OSBPL5: variants seen among roughly 807,000 people sequenced by gnomAD.
OSBPL5 encodes oxysterol binding protein like 5, also known as oxysterol-binding protein-related protein 5.
A neutral mutation model predicts 111.2 loss-of-function variants in OSBPL5; 71 were observed. That is an observed-to-expected ratio of 0.64 (90% CI 0.53 to 0.78). The LOEUF (loss-of-function observed/expected upper bound fraction) is 0.78. OSBPL5 is among the 30% of genes least tolerant of loss of function. The probability of loss-of-function intolerance (pLI) is 0.00; values close to 1 mark genes in which losing one functional copy is unlikely to be tolerated. For missense variants in OSBPL5, 1,210 were observed against 1,189.3 expected (o/e 1.02, Z -0.26); for synonymous variants, 549 against 513.9 (o/e 1.07, Z -0.93).
chr11:3,137,528 G>C (rs1845982843), intron 1 of OSBPL5, among the ~76,000 whole-genome samples: 1 of 152,220 alleles, frequency 6.6e-6, no homozygotes, highest in Admixed American at 6.5e-5. Context: ...AGTGGGCCGG[G>C]TGTACTGCAC....
At chr11:3,120,047 G>A (rs1858347991) in intron 6 of OSBPL5, 2 of 424,660 alleles carry the variant, frequency 4.7e-6, no homozygotes, top group Non-Finnish European at 8.6e-6. Flanking sequence ...ATGTAACCAG[G>A]TGTTCAGGGT....
chr11:3,124,023 C>T lies in OSBPL5; in HGVS notation c.220-1595G>A, dbSNP rs1225816368. ...GGGAGAGGCAGACCAGCCACCAGCA[C>T]GCAGAGGCGGGAGGAGCCAGGGGTC... On this transcript the variant is annotated intron_variant, in intron 3 of 21. Transcript: ENST00000263650. Among the ~76,000 whole-genome samples the T allele has an allele frequency of 3.3e-5, 5 of 152,164 alleles. No individual in the cohort carries two copies. In the East Asian group the frequency reaches 5.8e-4, roughly 18 times the overall value.
Position 3,103,133 on chromosome 11 carries a change from T to C in OSBPL5, c.1326+106A>G, listed in dbSNP as rs913904295. 3.1e-6 allele frequency: 3 copies of C among 960,074 alleles called. No homozygotes were observed. The African/African-American group carries it at 5.0e-5, about 16-fold the overall frequency. 59.5% of individuals were successfully genotyped at this position (960,074 alleles called of 1,614,324 possible). A position where few individuals can be genotyped will look rare whatever the true frequency, so the allele number is the denominator to read the frequency against. On this transcript the variant is annotated intron_variant, in intron 11 of 21. Coordinates refer to ENST00000263650, the MANE Select transcript of OSBPL5 (RefSeq NM_020896.4). ...GTGACCAGGATCCTTCTAAGCCATG[T>C]GGGGTAGGGGGTGGCCCGGGGACTC...
chr11:3,117,460 T>C (rs1052943861), intron 7 of OSBPL5, among the ~76,000 whole-genome samples: 1 of 152,244 alleles, frequency 6.6e-6, no homozygotes, highest in Non-Finnish European at 1.5e-5. Flanking sequence ...CAAAGTTCCA[T>C]CAAAGACAAT....
In OSBPL5 at chr11:3,130,899, G is replaced by T. The variant is rs560031870; in HGVS notation, c.-21-1730C>A. On this transcript the variant is annotated intron_variant, in intron 1 of 21. Coordinates refer to ENST00000263650, the MANE Select transcript of OSBPL5 (RefSeq NM_020896.4). This position sits in a 1 kb window ranked among gnomAD's most constrained non-coding sequence, Gnocchi z 4.5. ...GGGAACCAGCAGCTGAGCGGAGGCC[G>T]GGCTTACTCAGACAGCTGAGATTTT... 1.2e-4 allele frequency among the ~76,000 whole-genome samples: 19 copies of T among 152,246 alleles called. No individual in the cohort carries two copies. Among genetic ancestry groups the T allele is most frequent in the Non-Finnish European group, 5.9e-5 (4 of 68,008 alleles).
chr11:3,092,798 G>T lies in OSBPL5; in HGVS notation c.2132+69C>A. 1 of 1,462,192 alleles carries T rather than the reference G, an allele frequency of 6.8e-7. No individual in the cohort carries two copies. The highest frequency in any genetic ancestry group is 2.4e-5 in the Admixed American group (1 of 40,952). 90.6% of individuals were successfully genotyped at this position (1,462,192 alleles called of 1,614,324 possible). ...GGTGAGAGGGAAGCCAGGAGCCCCT[G>T]GGCCCTTCTCAGCCCGTCTGCTAGG... On this transcript the variant is annotated intron_variant, in intron 18 of 21. Coordinates refer to ENST00000263650, the MANE Select transcript of OSBPL5 (RefSeq NM_020896.4). The surrounding 1 kb of genome is among the most constrained non-coding windows in gnomAD (Gnocchi z 5.4).
chr11:3,098,423 A>G (rs1432089338), intron 14 of OSBPL5, among the ~76,000 whole-genome samples: 1 of 151,854 alleles, frequency 6.6e-6, no homozygotes, highest in Admixed American at 6.6e-5. Context: ...TAATTCAAAC[A>G]AACAAAAACC....
intron 1 of OSBPL5, among the ~76,000 whole-genome samples, chr11:3,153,400 G>T (rs145453276): frequency 6.6e-6 from 1 of 152,150 alleles, no homozygotes; most frequent in Non-Finnish European, 1.5e-5. Flanking sequence ...GGATATGCAC[G>T]GAACAGGGCA....
Position 3,106,199 on chromosome 11 carries a change from C to T in OSBPL5, c.1059+1064G>A, listed in dbSNP as rs373224606. ...CTGAACACAAGGATTTCACGGACCA[C>T]GGAGGAGCCCCCTCTGTCCCTGTGC... is the stretch of plus-strand genomic sequence containing the variant. On this transcript the variant is annotated intron_variant, in intron 9 of 21. Coordinates refer to ENST00000263650, the MANE Select transcript of OSBPL5 (RefSeq NM_020896.4). The surrounding 1 kb of genome is among the most constrained non-coding windows in gnomAD (Gnocchi z 8.4). Among the ~76,000 whole-genome samples, 9 of 152,280 alleles carry T rather than the reference C, an allele frequency of 5.9e-5. No homozygotes were observed. The South Asian group carries it at 6.2e-4, about 11-fold the overall frequency.
At chr11:3,163,738 G>C (rs1168671855) in intron 1 of OSBPL5, among the ~76,000 whole-genome samples, 1 of 152,198 alleles carries the variant, frequency 6.6e-6, no homozygotes, top group Admixed American at 6.5e-5. Flanking sequence ...CCTATCTGCT[G>C]TGTCACCTTT....
rs2134510200 is a variant in OSBPL5, at chr11:3,140,904, CA to C, written c.-21-11736del. On this transcript the variant is annotated intron_variant, in intron 1 of 21. Coordinates refer to ENST00000263650, the MANE Select transcript of OSBPL5 (RefSeq NM_020896.4). The surrounding 1 kb of genome is among the most constrained non-coding windows in gnomAD (Gnocchi z 4.5). ...TGGTCAGCCCATGGGTGTGACAGCC[CA>C]GGGGGCCCTGGGGCCAGGTGACCAC... Among the ~76,000 whole-genome samples the C allele has an allele frequency of 6.6e-6, 1 of 152,098 alleles. No homozygotes were observed. The highest frequency in any genetic ancestry group is 2.4e-5 in the African/African-American group (1 of 41,510).
At position 3,113,649 on chromosome 11, in the gene OSBPL5, C is replaced by T. The variant is rs1034104717; in HGVS notation, c.692-5704G>A. ...AGCCTGGGAGACTAGAGCAAGACTCCGTCTCAAAAAAAAAAAAATTTATAT... is the reference window on the plus strand; with the variant it reads ...AGCCTGGGAGACTAGAGCAAGACTCTGTCTCAAAAAAAAAAAAATTTATAT... On this transcript the variant is annotated intron_variant, in intron 7 of 21. Transcript: ENST00000263650. This position sits in a 1 kb window ranked among gnomAD's most constrained non-coding sequence, Gnocchi z 4.8. Among the ~76,000 whole-genome samples the T allele has an allele frequency of 2.5e-5, 3 of 122,346 alleles. No homozygotes were observed. Among genetic ancestry groups the T allele is most frequent in the Non-Finnish European group, 3.6e-5 (2 of 54,976 alleles). The allele number at this position is 122,346 out of a possible 152,430, so 80.3% of individuals were successfully genotyped here. A position where few individuals can be genotyped will look rare whatever the true frequency, so the allele number is the denominator to read the frequency against.
chr11:3,115,821 G>C (rs1468694855), intron 7 of OSBPL5, among the ~76,000 whole-genome samples: 1 of 150,986 alleles, frequency 6.6e-6, no homozygotes, highest in Non-Finnish European at 1.5e-5. Context: ...TGTTATTAGG[G>C]CTTATTGTTT....
At chr11:3,125,685 G>A (rs1227229822) in intron 3 of OSBPL5, among the ~76,000 whole-genome samples, 1 of 151,882 alleles carries the variant, frequency 6.6e-6, no homozygotes, top group Non-Finnish European at 1.5e-5. Context: ...GGCGCCTGTA[G>A]TCCCAGCTAC....
chr11:3,143,622 G>A (rs555362020), intron 1 of OSBPL5, among the ~76,000 whole-genome samples: 55 of 152,260 alleles, frequency 3.6e-4, no homozygotes, highest in Non-Finnish European at 5.3e-4. Context: ...CATCTTGTCC[G>A]CTTCCACGCC....
Position 3,120,409 on chromosome 11 carries a change from C to A in OSBPL5, c.606+12G>T. On this transcript the variant is annotated intron_variant, in intron 6 of 21. Coordinates refer to ENST00000263650, the MANE Select transcript of OSBPL5 (RefSeq NM_020896.4). ...CGGGGCCTCTGTCTTCAACCCCACC[C>A]CTCCGCAGCACCTTCACGGCCCAGA... 6.2e-7 allele frequency: 1 copy of A among 1,609,868 alleles called. No individual in the cohort carries two copies. The highest frequency in any genetic ancestry group is 1.3e-5 in the African/African-American group (1 of 75,004).
chr11:3,143,396 G>A (rs1053918203), intron 1 of OSBPL5, among the ~76,000 whole-genome samples: 3 of 152,186 alleles, frequency 2.0e-5, no homozygotes, highest in Admixed American at 6.5e-5. Flanking sequence ...CAGGTGGTCC[G>A]CGCACGCACG....
In OSBPL5 at chr11:3,110,829, T is replaced by C. The variant is rs935497430; in HGVS notation, c.692-2884A>G. Among the ~76,000 whole-genome samples, 12 of 152,208 alleles carry C rather than the reference T, an allele frequency of 7.9e-5. No individual in the cohort carries two copies. The highest frequency in any genetic ancestry group is 2.9e-4 in the African/African-American group (12 of 41,450). On this transcript the variant is annotated intron_variant, in intron 7 of 21. Transcript: ENST00000263650. The surrounding 1 kb of genome is among the most constrained non-coding windows in gnomAD (Gnocchi z 5.3). ...TTCCAGACCAAACCAATGTTCATCT[T>C]ACATATGTTGGTTAATGTCTCATGT...
intron 19 of OSBPL5, among the ~76,000 whole-genome samples, chr11:3,091,061 A>G (rs1479198463): frequency 6.6e-6 from 1 of 152,204 alleles, no homozygotes; most frequent in Admixed American, 6.5e-5. Flanking sequence ...AGCCATGAGG[A>G]CAGATGAAAG....
Sources: gnomAD v4.1 joint callset for allele counts (sites outside exome capture counted in the v4.1 genomes callset) on GRCh38, gnomAD v4.1.1 for gene constraint, Gnocchi (gnomAD v3.1) non-coding constraint, MANE v1.5 for transcripts, NCBI Gene and HGNC (gene_info 2026-07-23, HGNC 2026-07-21) for gene names.